SETD5: variants seen among roughly 807,000 people sequenced by gnomAD.
SETD5 encodes the protein SET domain containing 5.
Under a neutral mutation model 153.3 loss-of-function variants are expected in SETD5, and 44 were observed. The observed-to-expected ratio is 0.29, with a 90% CI of 0.23 to 0.37. The LOEUF (loss-of-function observed/expected upper bound fraction) is 0.37. Ranked by LOEUF, SETD5 falls within the 10% of genes least tolerant of loss-of-function variation. The probability of loss-of-function intolerance (pLI) is 1.00; values close to 1 mark genes in which losing one functional copy is unlikely to be tolerated. For synonymous variants in SETD5, 716 were observed against 645.2 expected (o/e 1.11, Z -1.66); for missense variants, 1,544 against 1,768.0 (o/e 0.87, Z 2.27).
intron 1 of SETD5, among the ~76,000 whole-genome samples, chr3:9,406,220 A>AT (rs1309175987): frequency 2.0e-5 from 3 of 152,318 alleles, no homozygotes; most frequent in Admixed American, 2.0e-4. Flanking sequence ...TAAAGGGCAT[A>AT]TTTTTAAAAA....
chr3:9,436,538 C>T (rs2040586671), intron 7 of SETD5, among the ~76,000 whole-genome samples: 1 of 152,144 alleles, frequency 6.6e-6, no homozygotes, highest in Non-Finnish European at 1.5e-5. Flanking sequence ...AAATCTGCAA[C>T]TTTAAAGTTT....
rs770698236 is a variant in SETD5 at position 9,476,456 on chromosome 3, AT to A, written c.*368del. On this transcript the variant is annotated 3_prime_UTR_variant, in exon 23 of 23. Coordinates refer to ENST00000402198, the MANE Select transcript of SETD5 (RefSeq NM_001080517.3). ...TTGTGCAGTGAGGACATCTTTTTAA[AT>A]TTAAAAAAAAAAAAAAAAAAAGTTT... The A allele has an allele frequency of 1.2e-3, 186 of 157,412 alleles. 2 individuals are homozygous for A. Among genetic ancestry groups the A allele is most frequent in the African/African-American group, 1.6e-3 (63 of 38,902 alleles). 9.8% of individuals were successfully genotyped at this position (157,412 alleles called of 1,614,324 possible).
chr3:9,467,789 A>G (rs757753685), intron 18 of SETD5, among the ~76,000 whole-genome samples: 1 of 152,130 alleles, frequency 6.6e-6, no homozygotes, highest in Non-Finnish European at 1.5e-5. Context: ...GTCCCAAGGT[A>G]AAGTCCTACC....
intron 3 of SETD5, chr3:9,433,296 G>A: frequency 1.0e-6 from 1 of 994,180 alleles, no homozygotes. Context: ...ATATTTGAAA[G>A]GTGTTGGGGG....
Position 9,464,459 on chromosome 3 carries a change from C to T in SETD5, c.2511C>T (p.Arg837=). The change falls in exon 18 of 23, where the codon CGC becomes CGT. Residue 837 remains arginine (R), a synonymous_variant. Coordinates refer to ENST00000402198, the MANE Select transcript of SETD5 (RefSeq NM_001080517.3). ...LLSPLKKWKS[R]YLMEQNVTKL... is the part of the protein sequence containing the mutation. ...GCCCATTAAAGAAATGGAAGTCTCG[C>T]TATCTGATGGAGCAGAATGTCACCA... The T allele has an allele frequency of 3.1e-6, 5 of 1,613,132 alleles. No individual in the cohort carries two copies. The highest frequency in any genetic ancestry group is 4.2e-6 in the Non-Finnish European group (5 of 1,179,130).
intron 18 of SETD5, 57 bp from the exon 19 acceptor site, chr3:9,470,402 C>G: frequency 7.2e-7 from 1 of 1,381,878 alleles, no homozygotes; most frequent in Non-Finnish European, 1.0e-6. Flanking sequence ...CCTTTCTGCC[C>G]TTTGACTTTT....
chr3:9,410,051 T>A (rs2036315791), intron 1 of SETD5, among the ~76,000 whole-genome samples: 1 of 152,234 alleles, frequency 6.6e-6, no homozygotes, highest in African/African-American at 2.4e-5. Flanking sequence ...TGAGGATATT[T>A]TCTGAGAAAT....
chr3:9,457,877 T>C (rs1270204109), intron 17 of SETD5, among the ~76,000 whole-genome samples: 4 of 151,716 alleles, frequency 2.6e-5, no homozygotes, highest in Non-Finnish European at 5.9e-5. Flanking sequence ...GAAACTGCCT[T>C]GTTTTTGGAA....
rs1256989272 is a variant in SETD5, at chr3:9,441,646, T to G, written c.864T>G (p.Ala288=). 1 of 1,614,030 alleles carries G rather than the reference T, an allele frequency of 6.2e-7. No individual in the cohort carries two copies. Among genetic ancestry groups the G allele is most frequent in the Admixed American group, 1.7e-5 (1 of 60,024 alleles). ...RVQKHRKILR[A]ARDLALDTLI... The stretch of plus-strand genomic sequence containing the variant: ...AAAAGCACCGGAAGATCCTGAGGGC[T>G]GCAAGAGATTTGGCTTTGGACACTC... Residue 288 remains alanine, a synonymous_variant, in exon 9 of 23, where the codon GCT becomes GCG. Transcript: ENST00000402198.
At position 9,475,723 on chromosome 3, in the gene SETD5, T is replaced by G. The variant is rs1227394114; in HGVS notation, c.3961T>G (p.Phe1321Val). ...CCCATTTACGGGGACACCAGGGTAT[T>G]TTAGCAGCCAGCCACATTCTGGAAA... is the stretch of plus-strand genomic sequence containing the variant. ...LAPFTGTPGYFSSQPHSGNST... is the reference protein window; with the variant it reads ...LAPFTGTPGYVSSQPHSGNST... The change falls in exon 23 of 23, where the codon TTT becomes GTT. Residue 1321 changes from phenylalanine (F) to valine (V), a missense_variant. Physicochemically the swap from Phe to Val is conservative, Grantham distance 50. This residue lies in a region of SETD5 where 302 missense variants were observed against 277.6 expected (regional missense o/e 1.09). Transcript: ENST00000402198. 1 of 1,613,856 alleles carries G rather than the reference T, an allele frequency of 6.2e-7. No individual in the cohort carries two copies. The highest frequency in any genetic ancestry group is 2.2e-5 in the East Asian group (1 of 44,878).
intron 8 of SETD5, among the ~76,000 whole-genome samples, chr3:9,441,349 T>A (rs938708470): frequency 2.0e-5 from 3 of 151,610 alleles, no homozygotes; most frequent in African/African-American, 7.3e-5. Flanking sequence ...GTCTTAATCA[T>A]GTATTTTTTT....
At chr3:9,463,974 A>C (rs2044271477) in intron 17 of SETD5, among the ~76,000 whole-genome samples, 1 of 152,166 alleles carries the variant, frequency 6.6e-6, no homozygotes, top group African/African-American at 2.4e-5. Flanking sequence ...CTAAAAATAC[A>C]AAAATTAGCC....
intron 3 of SETD5, chr3:9,430,468 G>A: frequency 2.0e-6 from 1 of 502,452 alleles, no homozygotes; most frequent in South Asian, 8.6e-5. Context: ...GCATGCAAAA[G>A]GTATTTAGTT....
At chr3:9,468,721 A>G in intron 18 of SETD5, 1 of 537,764 alleles carries the variant, frequency 1.9e-6, no homozygotes, top group Non-Finnish European at 3.2e-6. Context: ...AAGTTGAATG[A>G]GTCTTCCTGT....
chr3:9,466,746 TG>T (rs2044629257), intron 18 of SETD5, among the ~76,000 whole-genome samples: 1 of 152,042 alleles, frequency 6.6e-6, no homozygotes, highest in Non-Finnish European at 1.5e-5. Flanking sequence ...CAGCTTAGGC[TG>T]GGCATGGTGG....
At chr3:9,437,349 G>A (rs1431633600) in intron 7 of SETD5, among the ~76,000 whole-genome samples, 1 of 152,138 alleles carries the variant, frequency 6.6e-6, no homozygotes, top group Non-Finnish European at 1.5e-5. Context: ...CTTAGGTAAT[G>A]CTAGCATGTT....
intron 13 of SETD5, among the ~76,000 whole-genome samples, chr3:9,446,286 CAAA>C (rs577044895): frequency 0.34 from 7,572 of 22,586 alleles, 337 homozygotes; most frequent in African/African-American, 0.44. Flanking sequence ...GACTCCATCT[CAAA>C]AAAAAAAAAA....
At chr3:9,456,464 T>G (rs941778406) in intron 17 of SETD5, among the ~76,000 whole-genome samples, 7 of 147,718 alleles carry the variant, frequency 4.7e-5, no homozygotes, top group African/African-American at 1.8e-4. Context: ...CGGAGGGAGA[T>G]TCTGTCTTTA....
At position 9,445,290 on chromosome 3, in the gene SETD5, G is replaced by C. The variant is rs2041800155; in HGVS notation, c.1430G>C (p.Ser477Thr). The change falls in exon 12 of 23, where the codon AGT (serine) becomes ACT (threonine). Residue 477 changes from serine (S) to threonine (T), a missense_variant. Ser to Thr is a moderately conservative substitution (Grantham distance 58). Around this residue, in one of 9 missense-constraint regions of SETD5, gnomAD observed 782 missense variants for 787.2 expected, o/e 0.99. Coordinates refer to ENST00000402198, the MANE Select transcript of SETD5 (RefSeq NM_001080517.3). ...GTTCCAGAAAAAGTAACTGTATCCA[G>C]TGATCATGAGGTAATCGCCCCTGGT... ...QEVPEKVTVS[S>T]DHEEVDNPEE... 3 of 1,603,942 alleles carry C rather than the reference G, an allele frequency of 1.9e-6. No homozygotes were observed. The African/African-American group carries it at 4.0e-5, about 21-fold the overall frequency.
Sources: gnomAD v4.1 joint callset for allele counts (sites outside exome capture counted in the v4.1 genomes callset) on GRCh38, gnomAD v4.1.1 for gene constraint, gnomAD v4.1.1 regional missense constraint, MANE v1.5 for transcripts, NCBI Gene and HGNC (gene_info 2026-07-23, HGNC 2026-07-21) for gene names.